Variants in SIRPA observed in about 807,000 individuals in gnomAD.
SIRPA encodes tyrosine-protein phosphatase non-receptor type substrate 1.
A neutral mutation model predicts 50.3 loss-of-function variants in SIRPA; 9 were observed. That is an observed-to-expected ratio of 0.18 (90% confidence interval 0.11 to 0.31). SIRPA has a LOEUF of 0.31. SIRPA is among the 10% of genes least tolerant of loss of function. SIRPA has a pLI of 1.00. For missense variants in SIRPA, 474 were observed against 661.6 expected, an observed-to-expected ratio of 0.72 and a Z score of 3.11; for synonymous variants, 265 against 284.1, an observed-to-expected ratio of 0.93 and a Z score of 0.68.
At position 1,922,541 on chromosome 20, in the gene SIRPA, A is replaced by G. The variant is rs199583931; in HGVS notation, c.983A>G (p.Lys328Arg). Residue 328 changes from lysine to arginine, a missense_variant, in exon 4 of 8, where the codon AAG becomes AGG. Lys to Arg is a conservative substitution (Grantham distance 26). Around this residue, in one of 4 missense-constraint regions of SIRPA, gnomAD observed 221 missense variants for 359.9 expected, o/e 0.61. Coordinates refer to ENST00000358771, the MANE Select transcript of SIRPA (RefSeq NM_001040023.2). ...VNVSAHRDDV[K>R]LTCQVEHDGQ... is the part of the protein sequence containing the mutation. ...GTATCTGCCCACAGGGATGATGTGA[A>G]GCTCACCTGCCAGGTGGAGCATGAC... 3 of 1,614,212 alleles carry G rather than the reference A, an allele frequency of 1.9e-6. No individual in the cohort carries two copies.
Position 1,922,445 on chromosome 20 carries a change from C to G in SIRPA, c.887C>G (p.Thr296Arg), listed in dbSNP as rs558867758. The stretch of plus-strand genomic sequence containing the variant: ...TTGGAGAATGGAAACGTGTCCCGGA[C>G]AGAAACGGCCTCAACCGTTACAGAG... ...TWLENGNVSR[T>R]ETASTVTENK... Residue 296 changes from threonine (T) to arginine (R), a missense_variant, in exon 4 of 8, where the codon ACA (threonine) becomes AGA (arginine). Physicochemically the swap from Thr to Arg is moderately conservative, Grantham distance 71. This residue lies in a region of SIRPA where 221 missense variants were observed against 359.9 expected (regional missense o/e 0.61). Coordinates refer to ENST00000358771, the MANE Select transcript of SIRPA (RefSeq NM_001040023.2). 8 of 1,614,108 alleles carry G rather than the reference C, an allele frequency of 5.0e-6. No individual in the cohort carries two copies. The highest frequency in any genetic ancestry group is 5.9e-6 in the Non-Finnish European group (7 of 1,180,056).
rs6136393 is a variant in SIRPA, at chr20:1,922,455, C to T, written c.897C>T (p.Ala299=). The change falls in exon 4 of 8, where the codon GCC becomes GCT. Residue 299 remains alanine, a synonymous_variant. Coordinates refer to ENST00000358771, the MANE Select transcript of SIRPA (RefSeq NM_001040023.2). Reference sequence around the variant, plus strand: ...GAAACGTGTCCCGGACAGAAACGGCCTCAACCGTTACAGAGAACAAGGATG... The same window carrying T: ...GAAACGTGTCCCGGACAGAAACGGCTTCAACCGTTACAGAGAACAAGGATG... The part of the protein sequence containing the change: ...ENGNVSRTET[A]STVTENKDGT... 6.2e-7 allele frequency: 1 copy of T among 1,614,222 alleles called. No individual in the cohort carries two copies. The highest frequency in any genetic ancestry group is 8.5e-7 in the Non-Finnish European group (1 of 1,180,054).
rs1255441124 is a variant in SIRPA, at chr20:1,924,271, T to G, written c.1088-493T>G. Reference sequence around the variant, plus strand: ...TCCATTGTATTTTCAAGAGTCCTGGTTCAGAGCCCCTATGCTAACTCCTGA... The same window carrying G: ...TCCATTGTATTTTCAAGAGTCCTGGGTCAGAGCCCCTATGCTAACTCCTGA... On this transcript the variant is annotated intron_variant, in intron 4 of 7. Coordinates refer to ENST00000358771, the MANE Select transcript of SIRPA (RefSeq NM_001040023.2). The surrounding 1 kb of genome is among the most constrained non-coding windows in gnomAD (Gnocchi z 4.5). Among the ~76,000 whole-genome samples the G allele has an allele frequency of 6.6e-6, 1 of 152,186 alleles. No homozygotes were observed. Among genetic ancestry groups the G allele is most frequent in the African/African-American group, 2.4e-5 (1 of 41,452 alleles).
chr20:1,928,121 G>A lies in SIRPA; in HGVS notation c.1226+222G>A, dbSNP rs746749963. ...GCACAGAGGTGCTAATTTCTTGCCT[G>A]CTCTTCCCAGACAACGAGACCCTTG... On this transcript the variant is annotated intron_variant, in intron 6 of 7. Coordinates refer to ENST00000358771, the MANE Select transcript of SIRPA (RefSeq NM_001040023.2). The surrounding 1 kb of genome is among the most constrained non-coding windows in gnomAD (Gnocchi z 4.9). Among the ~76,000 whole-genome samples the A allele has an allele frequency of 6.6e-5, 10 of 152,136 alleles. No homozygotes were observed. The highest frequency in any genetic ancestry group is 1.3e-4 in the Non-Finnish European group (9 of 68,042).
In SIRPA at chr20:1,926,488, T is replaced by A. The variant is rs944714847; in HGVS notation, c.1202-1387T>A. On this transcript the variant is annotated intron_variant, in intron 5 of 7. Coordinates refer to ENST00000358771, the MANE Select transcript of SIRPA (RefSeq NM_001040023.2). The stretch of plus-strand genomic sequence containing the variant: ...TGCAGAGGAATGGAGTTTGCAGGGC[T>A]GCAGCTCTGGTAAAGGCCACCCAGC... 1.4e-4 allele frequency among the ~76,000 whole-genome samples: 21 copies of A among 152,368 alleles called. No individual in the cohort carries two copies. In the South Asian group the frequency reaches 2.5e-3, roughly 18 times the overall value.
rs1193921972 is a variant in SIRPA, at chr20:1,927,304, C to G, written c.1202-571C>G. ...TATCACAGGTTTAAAACCTCTGAAC[C>G]AGATGGACACTTTCTTTCCTTCCAA... On this transcript the variant is annotated intron_variant, in intron 5 of 7. Transcript: ENST00000358771. The surrounding 1 kb of genome is among the most constrained non-coding windows in gnomAD (Gnocchi z 6.5). Among the ~76,000 whole-genome samples, 1 of 152,196 alleles carries G rather than the reference C, an allele frequency of 6.6e-6. No individual in the cohort carries two copies. Among genetic ancestry groups the G allele is most frequent in the Non-Finnish European group, 1.5e-5 (1 of 68,036 alleles).
chr20:1,918,591 C>G (rs569010850), intron 2 of SIRPA, among the ~76,000 whole-genome samples: 1 of 151,946 alleles, frequency 6.6e-6, no homozygotes, highest in African/African-American at 2.4e-5. Context: ...ATGCGTAGAA[C>G]GTCGATAATT....
In SIRPA at chr20:1,938,641, G is replaced by C. The variant is rs774933476; in HGVS notation, c.*1073G>C. The C allele has an allele frequency of 3.9e-5, 6 of 152,706 alleles. No homozygotes were observed. Among genetic ancestry groups the C allele is most frequent in the Non-Finnish European group, 8.8e-5 (6 of 68,060 alleles). The allele number at this position is 152,706 out of a possible 1,614,324, so 9.5% of individuals were successfully genotyped here. A position where few individuals can be genotyped will look rare whatever the true frequency, so the allele number is the denominator to read the frequency against. On this transcript the variant is annotated 3_prime_UTR_variant, in exon 8 of 8. Coordinates refer to ENST00000358771, the MANE Select transcript of SIRPA (RefSeq NM_001040023.2). ...CCACTCCCTGGAGACACAGCCTTCT[G>C]GCTGGGACTGACTTGGCCATGTTCT...
At chr20:1,905,799 G>A (rs1373464287) in intron 1 of SIRPA, among the ~76,000 whole-genome samples, 1 of 152,220 alleles carries the variant, frequency 6.6e-6, no homozygotes, top group Non-Finnish European at 1.5e-5. Flanking sequence ...TGCAAACAGG[G>A]TCACACTGCA....
chr20:1,903,023 A>AAAAAG (rs1984322953), intron 1 of SIRPA, among the ~76,000 whole-genome samples: 1 of 139,624 alleles, frequency 7.2e-6, no homozygotes, highest in African/African-American at 2.9e-5. Context: ...AAAAAAAAAA[A>AAAAAG]AAAAAAAAAG....
chr20:1,935,759 C>T (rs551121981), intron 7 of SIRPA, among the ~76,000 whole-genome samples: 5 of 152,310 alleles, frequency 3.3e-5, no homozygotes, highest in South Asian at 4.1e-4. Flanking sequence ...CTGTGTGCCA[C>T]GCACTGGACA....
intron 1 of SIRPA, among the ~76,000 whole-genome samples, chr20:1,907,390 C>A (rs1984607937): frequency 6.6e-6 from 1 of 152,218 alleles, no homozygotes; most frequent in South Asian, 2.1e-4. Context: ...CCGAAACCAT[C>A]CTTCAGGGCG....
chr20:1,931,869 A>G (rs1600457133), intron 6 of SIRPA, among the ~76,000 whole-genome samples: 1 of 152,364 alleles, frequency 6.6e-6, no homozygotes, highest in Non-Finnish European at 1.5e-5. Context: ...TCATTCGATC[A>G]GCCATTTATT....
At chr20:1,895,865 C>G (rs1314930789) in intron 1 of SIRPA, among the ~76,000 whole-genome samples, 4 of 152,240 alleles carry the variant, frequency 2.6e-5, no homozygotes, top group African/African-American at 9.6e-5. Context: ...GCTTTCAGAG[C>G]AGGGCCGTCC....
At chr20:1,906,476 CAGAT>C (rs111573660) in intron 1 of SIRPA, among the ~76,000 whole-genome samples, 214 of 152,300 alleles carry the variant, frequency 1.4e-3, no homozygotes, top group African/African-American at 4.5e-3. Flanking sequence ...GAAGGCCTCT[CAGAT>C]AGGCCTGAAG....
At chr20:1,920,338 G>A (rs2123138562) in intron 2 of SIRPA, among the ~76,000 whole-genome samples, 1 of 152,338 alleles carries the variant, frequency 6.6e-6, no homozygotes, top group East Asian at 1.9e-4. Context: ...GGGTGTGAGG[G>A]AGAAGTTAAT....
chr20:1,933,277 G>A lies in SIRPA; in HGVS notation c.1227-1438G>A, dbSNP rs957754049. 2.6e-5 allele frequency among the ~76,000 whole-genome samples: 4 copies of A among 152,198 alleles called. No homozygotes were observed. The highest frequency in any genetic ancestry group is 5.9e-5 in the Non-Finnish European group (4 of 68,034). On this transcript the variant is annotated intron_variant, in intron 6 of 7. Coordinates refer to ENST00000358771, the MANE Select transcript of SIRPA (RefSeq NM_001040023.2). This position sits in a 1 kb window ranked among gnomAD's most constrained non-coding sequence, Gnocchi z 4.4. ...CAGCCAGCGCAGCACTGTCAGCAGA[G>A]CCATCACAAGGTGACACCATAGTTG...
At chr20:1,916,575 G>A (rs541396743) in intron 2 of SIRPA, among the ~76,000 whole-genome samples, 6 of 152,290 alleles carry the variant, frequency 3.9e-5, no homozygotes, top group East Asian at 3.9e-4. Context: ...CATTCAGACC[G>A]TTAGGCCCAC....
chr20:1,934,355 G>A lies in SIRPA; in HGVS notation c.1227-360G>A, dbSNP rs61097461. On this transcript the variant is annotated intron_variant, in intron 6 of 7. Coordinates refer to ENST00000358771, the MANE Select transcript of SIRPA (RefSeq NM_001040023.2). The surrounding 1 kb of genome is among the most constrained non-coding windows in gnomAD (Gnocchi z 4.6). The stretch of plus-strand genomic sequence containing the variant: ...GTCAAAGGATGAGGACATCTTCCAA[G>A]CTCTTGATTTTGCCAGCTGCTTCCC... 4.4e-3 allele frequency among the ~76,000 whole-genome samples: 665 copies of A among 152,280 alleles called. 2 individuals are homozygous for A. Among genetic ancestry groups the A allele is most frequent in the African/African-American group, 0.015 (625 of 41,554 alleles).
Sources: gnomAD v4.1 joint callset for allele counts (sites outside exome capture counted in the v4.1 genomes callset) on GRCh38, gnomAD v4.1.1 for gene constraint, gnomAD v4.1.1 regional missense constraint, Gnocchi (gnomAD v3.1) non-coding constraint, MANE v1.5 for transcripts, NCBI Gene and HGNC (gene_info 2026-07-23, HGNC 2026-07-21) for gene names.